The following COPS4 variants were observed in gnomAD, a reference collection of about 807,000 sequenced individuals.
COPS4 encodes COP9 signalosome subunit 4, also known as COP9 signalosome complex subunit 4.
COPS4 carries 8 observed loss-of-function variants against 55.1 expected under a neutral mutation model. The ratio of observed to expected loss-of-function variants is 0.15; its 90% CI spans 0.09 to 0.26. The LOEUF (loss-of-function observed/expected upper bound fraction) is 0.26, where lower values mean the gene tolerates loss of function less well. COPS4 is among the 10% of genes least tolerant of loss of function. The pLI is 1.00. For synonymous variants in COPS4, 185 were observed against 165.7 expected, an observed-to-expected ratio of 1.12 and a Z score of -0.90; for missense variants, 248 against 484.0, an observed-to-expected ratio of 0.51 and a Z score of 4.58.
chr4:83,054,091 C>T (rs1422238642), intron 4 of COPS4, among the ~76,000 whole-genome samples: 1 of 152,036 alleles, frequency 6.6e-6, no homozygotes, highest in Non-Finnish European at 1.5e-5. Flanking sequence ...ACCTGTAATC[C>T]CAGCACTTTG....
chr4:83,045,236 G>A (rs374800404), intron 1 of COPS4, among the ~76,000 whole-genome samples: 20 of 152,268 alleles, frequency 1.3e-4, no homozygotes, highest in African/African-American at 4.8e-4. Flanking sequence ...CACAGTTGAA[G>A]GAAATATAGC....
intron 6 of COPS4, among the ~76,000 whole-genome samples, chr4:83,057,919 CAAAAAAAAAAAA>C (rs960818183): frequency 7.4e-4 from 40 of 54,298 alleles, no homozygotes; most frequent in African/African-American, 2.6e-3. Flanking sequence ...GACTCTGTCT[CAAAAAAAAAAAA>C]AAAAAAAAGA....
chr4:83,043,636 ATAATC>A (rs1333994103), intron 1 of COPS4, among the ~76,000 whole-genome samples: 7 of 151,866 alleles, frequency 4.6e-5, no homozygotes, highest in Non-Finnish European at 8.8e-5. Context: ...TTAGTATAAA[ATAATC>A]TAAGAGGATA....
In COPS4 at chr4:83,035,245, G is replaced by A; in HGVS notation, c.21G>A (p.Gln7=). 1 of 1,573,472 alleles carries A rather than the reference G, an allele frequency of 6.4e-7. No individual in the cohort carries two copies. Among genetic ancestry groups the A allele is most frequent in the Non-Finnish European group, 8.7e-7 (1 of 1,154,040 alleles). The change falls in exon 1 of 10, where the codon CAG becomes CAA. Residue 7 remains glutamine (Q), a synonymous_variant. Transcript: ENST00000264389. The stretch of plus-strand genomic sequence containing the variant: ...GAAAGATGGCGGCAGCCGTGCGACA[G>A]GATTTGGCCCAGCTCATGAATTCGA... The part of the protein sequence containing the change: MAAAVR[Q]DLAQLMNSSG...
intron 8 of COPS4, 111 bp from the exon 9 acceptor site, chr4:83,068,321 AATGTAT>A: frequency 6.0e-6 from 4 of 670,422 alleles, no homozygotes; most frequent in Non-Finnish European, 1.1e-5. Flanking sequence ...GTGGCAGATT[AATGTAT>A]ATGTAAAGTT....
intron 8 of COPS4, 109 bp downstream of exon 8, chr4:83,066,662 A>C: frequency 1.7e-6 from 1 of 600,906 alleles, no homozygotes; most frequent in Non-Finnish European, 2.9e-6. Context: ...CTTCCAACAA[A>C]ATAAATGTTG....
intron 2 of COPS4, among the ~76,000 whole-genome samples, chr4:83,046,625 C>T (rs970013013): frequency 1.3e-5 from 2 of 152,186 alleles, no homozygotes; most frequent in African/African-American, 4.8e-5. Flanking sequence ...CAATCATGTC[C>T]TGTGCAGCAA....
chr4:83,057,913 CTG>C, intron 6 of COPS4, among the ~76,000 whole-genome samples: 1 of 125,134 alleles, frequency 8.0e-6, no homozygotes, highest in East Asian at 2.4e-4. Context: ...CAGAGAGACT[CTG>C]TCTCAAAAAA....
At chr4:83,053,195 A>T (rs1383343007) in intron 4 of COPS4, among the ~76,000 whole-genome samples, 2 of 152,182 alleles carry the variant, frequency 1.3e-5, no homozygotes, top group Non-Finnish European at 2.9e-5. Flanking sequence ...TGGGCAACAC[A>T]CTAAGACCCC....
At chr4:83,055,447 CTTT>C (rs5859854) in intron 4 of COPS4, among the ~76,000 whole-genome samples, 18 of 134,844 alleles carry the variant, frequency 1.3e-4, no homozygotes, top group Admixed American at 1.5e-4. Flanking sequence ...AGTATTCTAC[CTTT>C]TTTTTTTTTT....
intron 4 of COPS4, among the ~76,000 whole-genome samples, chr4:83,056,223 C>A (rs564813840): frequency 1.3e-5 from 2 of 152,226 alleles, no homozygotes; most frequent in South Asian, 4.1e-4. Context: ...TGAGCCACCA[C>A]GCCCGGCCTT....
chr4:83,042,062 A>C (rs1027979461), intron 1 of COPS4, among the ~76,000 whole-genome samples: 1 of 148,490 alleles, frequency 6.7e-6, no homozygotes, highest in African/African-American at 2.5e-5. Context: ...ATGAGGTTTC[A>C]CCATGTTGGC....
At chr4:83,074,468 T>G (rs1578725625) in intron 9 of COPS4, among the ~76,000 whole-genome samples, 1 of 150,434 alleles carries the variant, frequency 6.6e-6, no homozygotes, top group East Asian at 1.9e-4. Flanking sequence ...GAGGTTTTTT[T>G]TTTTTTTTTT....
intron 1 of COPS4, among the ~76,000 whole-genome samples, chr4:83,036,591 A>G (rs1730424538): frequency 6.6e-6 from 1 of 152,250 alleles, no homozygotes; most frequent in Non-Finnish European, 1.5e-5. Context: ...CAAGATGAGT[A>G]TGTGTGTGCA....
At chr4:83,035,482 G>T in intron 1 of COPS4, 184 bp downstream of exon 1, 1 of 422,424 alleles carries the variant, frequency 2.4e-6, no homozygotes, top group East Asian at 4.9e-5. Flanking sequence ...AGGGGACCTT[G>T]TGCAGGGGCC....
intron 8 of COPS4, 21 bp downstream of exon 8, chr4:83,066,574 C>T (rs767034385): frequency 2.5e-6 from 3 of 1,181,258 alleles, no homozygotes; most frequent in East Asian, 2.5e-5. Context: ...GATTCCAATA[C>T]ATTTAAAAAA....
intron 1 of COPS4, among the ~76,000 whole-genome samples, chr4:83,045,200 T>C (rs1730676901): frequency 6.6e-6 from 1 of 152,222 alleles, no homozygotes; most frequent in Non-Finnish European, 1.5e-5. Flanking sequence ...TCACCTCAAA[T>C]AATGTTTTTG....
intron 6 of COPS4, among the ~76,000 whole-genome samples, chr4:83,058,163 A>G (rs1431542078): frequency 6.6e-6 from 1 of 151,632 alleles, no homozygotes; most frequent in Non-Finnish European, 1.5e-5. Context: ...TGTTCTTTTT[A>G]CTGAATTTTA....
intron 1 of COPS4, among the ~76,000 whole-genome samples, chr4:83,045,014 A>G (rs1160002342): frequency 6.6e-6 from 1 of 152,190 alleles, no homozygotes. Flanking sequence ...ATAAAGAATA[A>G]ATAGGTACTG....
Sources: allele counts gnomAD v4.1 joint callset (sites outside exome capture counted in the v4.1 genomes callset), GRCh38; gene constraint gnomAD v4.1.1; transcripts MANE v1.5; gene names NCBI Gene and HGNC (gene_info 2026-07-23, HGNC 2026-07-21).